Variants in GRIP1 observed in about 807,000 individuals in gnomAD.
GRIP1 encodes glutamate receptor-interacting protein 1.
GRIP1 carries 45 observed loss-of-function variants against 129.9 expected under a neutral mutation model. The observed-to-expected ratio is 0.35, with a 90% CI of 0.27 to 0.44. The LOEUF is 0.44. Among genes scored for constraint, GRIP1 ranks in the 20% least tolerant of loss-of-function variants. The pLI is 1.00. For missense variants in GRIP1, 1,196 were observed against 1,396.8 expected (o/e 0.86, Z 2.29); for synonymous variants, 530 against 520.8 (o/e 1.02, Z -0.24).
At chr12:67,017,120 A>C (rs956821480) in intron 1 of GRIP1, among the ~76,000 whole-genome samples, 1 of 152,200 alleles carries the variant, frequency 6.6e-6, no homozygotes, top group African/African-American at 2.4e-5. Flanking sequence ...ATTTTAGGAG[A>C]GCTTTGACAG....
At chr12:66,611,592 T>C (rs568171705) in intron 1 of GRIP1, among the ~76,000 whole-genome samples, 2 of 152,292 alleles carry the variant, frequency 1.3e-5, no homozygotes, top group South Asian at 2.1e-4. Flanking sequence ...ATTTGAGGAA[T>C]AGCTGTTCTA....
chr12:66,932,920 A>T (rs1229347861), intron 1 of GRIP1, among the ~76,000 whole-genome samples: 1 of 151,850 alleles, frequency 6.6e-6, no homozygotes, highest in African/African-American at 2.4e-5. Flanking sequence ...ACCTGCCTGG[A>T]CCTCCCAAAG....
chr12:66,602,098 C>T (rs1592629986), intron 1 of GRIP1, among the ~76,000 whole-genome samples: 1 of 152,152 alleles, frequency 6.6e-6, no homozygotes, highest in Admixed American at 6.5e-5. Flanking sequence ...AGTCAAGAAA[C>T]AAGCCATTTT....
chr12:66,776,082 A>G (rs1470019784), intron 1 of GRIP1, among the ~76,000 whole-genome samples: 1 of 152,204 alleles, frequency 6.6e-6, no homozygotes, highest in Non-Finnish European at 1.5e-5. Context: ...ATCACATTTC[A>G]AAGATTCTGA....
chr12:66,988,554 A>AT (rs761523927), intron 1 of GRIP1, among the ~76,000 whole-genome samples: 3 of 151,828 alleles, frequency 2.0e-5, no homozygotes, highest in Non-Finnish European at 2.9e-5. Flanking sequence ...TAATTTTTGA[A>AT]TTTTTTGTAG....
chr12:66,425,269 T>G (rs1262816873), intron 14 of GRIP1, among the ~76,000 whole-genome samples: 4 of 151,998 alleles, frequency 2.6e-5, no homozygotes, highest in Non-Finnish European at 5.9e-5. Context: ...AAAACCACAA[T>G]GAGATACCAT....
chr12:66,698,293 C>T lies in GRIP1; in HGVS notation c.-419-67957G>A, dbSNP rs2035234617. Among the ~76,000 whole-genome samples, 3 of 152,124 alleles carry T rather than the reference C, an allele frequency of 2.0e-5. 1 individual carries two copies. The South Asian group carries it at 6.2e-4, about 31-fold the overall frequency. ...GTAACTAAGATCACAATTAATTGTA[C>T]TTAATTTAGAAAGAAAGTGTTTTTT... On this transcript the variant is annotated intron_variant, in intron 1 of 4. Coordinates refer to the GRIP1 transcript ENST00000538373.
chr12:66,357,350 C>T (rs981963280), intron 23 of GRIP1, among the ~76,000 whole-genome samples: 56 of 152,298 alleles, frequency 3.7e-4, no homozygotes, highest in African/African-American at 1.3e-3. Flanking sequence ...GTATATTCCT[C>T]TGTCTCCCAC....
At chr12:66,568,886 T>A (rs1199335924) in intron 2 of GRIP1, 1 of 498,384 alleles carries the variant, frequency 2.0e-6, no homozygotes, top group East Asian at 5.7e-5. Flanking sequence ...TCTTATGCAG[T>A]TGAGTAGGTT....
intron 7 of GRIP1, among the ~76,000 whole-genome samples, chr12:66,479,354 C>T (rs866820997): frequency 2.0e-5 from 3 of 152,040 alleles, no homozygotes; most frequent in Non-Finnish European, 4.4e-5. Flanking sequence ...ATATACCCTC[C>T]CAAGACTAAA....
upstream of GRIP1, among the ~76,000 whole-genome samples, chr12:66,805,313 A>G (rs2038966911): frequency 6.6e-6 from 1 of 152,178 alleles, no homozygotes; most frequent in Non-Finnish European, 1.5e-5. Context: ...AAGAACCACA[A>G]TCAGAAACAC....
chr12:67,062,566 C>T (rs1398774692), intron 1 of GRIP1, among the ~76,000 whole-genome samples: 1 of 152,140 alleles, frequency 6.6e-6, no homozygotes, highest in Non-Finnish European at 1.5e-5. Context: ...CAATCAACCC[C>T]TCTTCTCTGC....
In GRIP1 at chr12:66,596,851, G is replaced by T; in HGVS notation, c.132C>A (p.Ile44=). Residue 44 remains isoleucine (I), a synonymous_variant, in exon 2 of 25, where the codon ATC becomes ATA. Transcript: ENST00000359742. ...DGALAVRRQS[I]PEEFKGSTVV... ...AATCCAACAGTCTGGTCTAACCTGG[G>T]ATGCTCTGTCTCCTCACAGCCAACG... The T allele has an allele frequency of 1.9e-6, 3 of 1,608,220 alleles. No homozygotes were observed. Among genetic ancestry groups the T allele is most frequent in the East Asian group, 4.5e-5 (2 of 44,848 alleles).
chr12:66,902,932 C>T (rs762306832), intron 1 of GRIP1, among the ~76,000 whole-genome samples: 12 of 152,124 alleles, frequency 7.9e-5, no homozygotes, highest in Non-Finnish European at 1.6e-4. Flanking sequence ...TTCACATATA[C>T]GTGACAAATT....
chr12:66,548,629 A>T (rs2062022375), intron 2 of GRIP1, among the ~76,000 whole-genome samples: 1 of 152,156 alleles, frequency 6.6e-6, no homozygotes, highest in East Asian at 1.9e-4. Flanking sequence ...CATATTAATG[A>T]GGAGGAATTT....
chr12:66,605,017 T>A (rs969813097), intron 1 of GRIP1, among the ~76,000 whole-genome samples: 8 of 150,486 alleles, frequency 5.3e-5, no homozygotes, highest in Non-Finnish European at 8.9e-5. Flanking sequence ...TCTCCATTTT[T>A]TTTTAACTAA....
intron 2 of GRIP1, among the ~76,000 whole-genome samples, chr12:66,580,517 C>A (rs1387261242): frequency 2.0e-5 from 3 of 152,092 alleles, no homozygotes; most frequent in South Asian, 2.1e-4. Context: ...AAACCCATCT[C>A]ACATGCAGAG....
intron 1 of GRIP1, among the ~76,000 whole-genome samples, chr12:66,826,780 A>T (rs1288079774): frequency 7.1e-6 from 1 of 140,990 alleles, no homozygotes; most frequent in African/African-American, 3.2e-5. Context: ...CATTAAACTG[A>T]ATTAAAATTG....
rs545668565 is a variant in GRIP1 at position 66,377,552 on chromosome 12, G to A, written c.2622-267C>T. 4.4e-3 allele frequency among the ~76,000 whole-genome samples: 657 copies of A among 149,986 alleles called. 3 individuals are homozygous for A. The highest frequency in any genetic ancestry group is 7.6e-3 in the Non-Finnish European group (515 of 67,624). On this transcript the variant is annotated intron_variant, in intron 20 of 24. Coordinates refer to ENST00000359742, the MANE Select transcript of GRIP1 (RefSeq NM_001366722.1). The stretch of plus-strand genomic sequence containing the variant: ...GACAGGGTTTCACCGTTTTAGCCAG[G>A]ATGGTCTCGATCTCCTGACTTCGTG...
Sources: gnomAD v4.1 joint callset for allele counts (sites outside exome capture counted in the v4.1 genomes callset) on GRCh38, gnomAD v4.1.1 for gene constraint, MANE v1.5 for transcripts, NCBI Gene and HGNC (gene_info 2026-07-23, HGNC 2026-07-21) for gene names.